Variants in TENM3 observed in about 807,000 individuals in gnomAD.
TENM3 encodes teneurin-3.
A neutral mutation model predicts 255.1 loss-of-function variants in TENM3; 63 were observed. That is an observed-to-expected ratio of 0.25 (90% confidence interval 0.20 to 0.30). The LOEUF is 0.30. Among genes scored for constraint, TENM3 ranks in the 10% least tolerant of loss-of-function variants. The pLI is 1.00. For synonymous variants in TENM3, 1,306 were observed against 1,322.3 expected (o/e 0.99, Z 0.27); for missense variants, 2,929 against 3,461.1 (o/e 0.85, Z 3.86).
chr4:181,862,391 T>C, the TENM3 span, among the ~76,000 whole-genome samples: 1 of 152,118 alleles, frequency 6.6e-6, no homozygotes, highest in Admixed American at 6.5e-5. Context: ...ATCATTTTAT[T>C]TTATCTGGTA....
intron 3 of TENM3, among the ~76,000 whole-genome samples, chr4:182,461,469 G>A (rs1345302650): frequency 2.6e-5 from 4 of 152,312 alleles, no homozygotes; most frequent in East Asian, 1.9e-4. Flanking sequence ...AGAACATGGA[G>A]GACCATGAAT....
chr4:181,632,810 A>T, the TENM3 span, among the ~76,000 whole-genome samples: 1 of 152,188 alleles, frequency 6.6e-6, no homozygotes, highest in Non-Finnish European at 1.5e-5. Context: ...CGTTAAGAAT[A>T]TGACGGCATG....
At chr4:182,468,827 TGTGTGTGTGTGTGTG>T in intron 3 of TENM3, among the ~76,000 whole-genome samples, 1 of 20,056 alleles carries the variant, frequency 5.0e-5, no homozygotes, top group Non-Finnish European at 1.1e-4. Flanking sequence ...TGTGTGCTTG[TGTGTGTGTGTGTGTG>T]TGTGTGTGTG....
chr4:182,713,533 C>T (rs1341666631), intron 12 of TENM3, among the ~76,000 whole-genome samples: 1 of 152,182 alleles, frequency 6.6e-6, no homozygotes, highest in Non-Finnish European at 1.5e-5. Context: ...ATTTAATGCA[C>T]TGTAATTTCA....
At chr4:182,701,185 T>C (rs531411794) in intron 12 of TENM3, among the ~76,000 whole-genome samples, 14 of 148,404 alleles carry the variant, frequency 9.4e-5, no homozygotes, top group Admixed American at 6.1e-4. Flanking sequence ...AAAATAATGC[T>C]TTTCACATAC....
chr4:181,979,734 T>C, the TENM3 span, among the ~76,000 whole-genome samples: 28 of 152,326 alleles, frequency 1.8e-4, no homozygotes, highest in African/African-American at 5.5e-4. Flanking sequence ...CTCAGCCCTA[T>C]AATCTGTGGA....
intron 3 of TENM3, among the ~76,000 whole-genome samples, chr4:182,446,626 CTTT>C (rs751176797): frequency 2.1e-5 from 3 of 143,140 alleles, no homozygotes; most frequent in Admixed American, 7.0e-5. Flanking sequence ...GGTCCTAGCA[CTTT>C]TTTTTTTTTT....
intron 1 of TENM3, among the ~76,000 whole-genome samples, chr4:182,197,373 C>T (rs530628956): frequency 6.6e-6 from 1 of 152,214 alleles, no homozygotes; most frequent in East Asian, 1.9e-4. Context: ...TAGGGAATAG[C>T]CAGTTGTGTT....
chr4:181,794,803 A>C, the TENM3 span, among the ~76,000 whole-genome samples: 1 of 152,204 alleles, frequency 6.6e-6, no homozygotes, highest in East Asian at 1.9e-4. Flanking sequence ...AGAAAATCAC[A>C]CTTAGGATTC....
intron 1 of TENM3, among the ~76,000 whole-genome samples, chr4:182,250,657 T>C (rs951932814): frequency 2.6e-5 from 4 of 152,216 alleles, no homozygotes; most frequent in Non-Finnish European, 5.9e-5. Context: ...GTGAATGATT[T>C]CCAGCTAGTA....
chr4:182,187,752 CAT>C (rs1022269211), intron 1 of TENM3, among the ~76,000 whole-genome samples: 17 of 152,236 alleles, frequency 1.1e-4, no homozygotes, highest in African/African-American at 4.1e-4. Flanking sequence ...CATACTAACA[CAT>C]TTTTTAATAT....
intron 3 of TENM3, among the ~76,000 whole-genome samples, chr4:182,400,057 T>G (rs2151023950): frequency 6.6e-6 from 1 of 152,206 alleles, no homozygotes; most frequent in South Asian, 2.1e-4. Context: ...TTTCTTTTAT[T>G]TTCTGTCTCC....
At chr4:182,602,054 C>T (rs1403226989) in intron 4 of TENM3, among the ~76,000 whole-genome samples, 1 of 152,242 alleles carries the variant, frequency 6.6e-6, no homozygotes, top group Non-Finnish European at 1.5e-5. Flanking sequence ...TAATCCATTT[C>T]ATTATTCAGG....
At chr4:182,402,955 G>A (rs974070172) in intron 3 of TENM3, among the ~76,000 whole-genome samples, 17 of 152,188 alleles carry the variant, frequency 1.1e-4, no homozygotes, top group Admixed American at 3.3e-4. Context: ...AACCATGATG[G>A]AAATGTATTT....
chr4:181,811,620 G>A, the TENM3 span, among the ~76,000 whole-genome samples: 1 of 152,192 alleles, frequency 6.6e-6, no homozygotes, highest in Non-Finnish European at 1.5e-5. Context: ...TCACAATCAT[G>A]GTGGAAGACA....
chr4:182,041,569 G>T, the TENM3 span, among the ~76,000 whole-genome samples: 2 of 151,934 alleles, frequency 1.3e-5, no homozygotes, highest in Admixed American at 6.6e-5. Flanking sequence ...TAATACAGCT[G>T]ATAATTTTCA....
chr4:181,934,048 C>CTGTGTGTG, the TENM3 span, among the ~76,000 whole-genome samples: 1,969 of 147,448 alleles, frequency 0.013, 42 homozygotes, highest in African/African-American at 0.046. Context: ...ATTCCCCTTT[C>CTGTGTGTG]TGTGTGTGTG....
intron 13 of TENM3, among the ~76,000 whole-genome samples, chr4:182,717,464 AC>A (rs1437772462): frequency 6.6e-6 from 1 of 152,172 alleles, no homozygotes; most frequent in African/African-American, 2.4e-5. Flanking sequence ...GCAATCTGTT[AC>A]CCGTAATAAG....
intron 3 of TENM3, among the ~76,000 whole-genome samples, chr4:182,516,960 TG>T (rs1738027853): frequency 6.6e-6 from 1 of 151,976 alleles, no homozygotes; most frequent in African/African-American, 2.4e-5. Context: ...ATGTTTTCTC[TG>T]GGGTACATCC....
Sources: allele counts gnomAD v4.1 joint callset (sites outside exome capture counted in the v4.1 genomes callset), GRCh38; gene constraint gnomAD v4.1.1; transcripts MANE v1.5; gene names NCBI Gene and HGNC (gene_info 2026-07-23, HGNC 2026-07-21).